CHPT1: variants seen among roughly 807,000 people sequenced by gnomAD.
CHPT1 encodes the protein cholinephosphotransferase 1.
A neutral mutation model predicts 47.6 loss-of-function variants in CHPT1; 36 were observed. The observed-to-expected ratio is 0.76, with a 90% CI of 0.58 to 1.00. The LOEUF is 1.00. Ranked by LOEUF, CHPT1 falls within the 50% of genes least tolerant of loss-of-function variation. The probability of loss-of-function intolerance (pLI) is 0.00; values close to 1 mark genes in which losing one functional copy is unlikely to be tolerated. For missense variants in CHPT1, 458 were observed against 498.1 expected, an observed-to-expected ratio of 0.92 and a Z score of 0.77; for synonymous variants, 194 against 186.3, an observed-to-expected ratio of 1.04 and a Z score of -0.33.
intron 1 of CHPT1, among the ~76,000 whole-genome samples, chr12:101,703,970 C>T (rs1951592957): frequency 6.6e-6 from 1 of 152,174 alleles, no homozygotes; most frequent in African/African-American, 2.4e-5. Context: ...AGCATACTCG[C>T]ATTACATGTT....
At chr12:101,719,451 A>C (rs1224417968) in intron 4 of CHPT1, 1 of 801,678 alleles carries the variant, frequency 1.2e-6, no homozygotes, top group East Asian at 6.3e-5. Context: ...CTGGCAATTC[A>C]TTGTTACTGT....
At chr12:101,728,287 A>G (rs1253423249) in intron 8 of CHPT1, 3 of 152,570 alleles carry the variant, frequency 2.0e-5, no homozygotes, top group South Asian at 2.1e-4. Flanking sequence ...TATATAAACC[A>G]TAAGAAATTA....
intron 1 of CHPT1, among the ~76,000 whole-genome samples, chr12:101,703,363 G>A (rs10860777): frequency 0.32 from 47,903 of 152,020 alleles, 7,892 homozygotes; most frequent in East Asian, 0.65. Flanking sequence ...GATTCACACT[G>A]AATATAAAAA....
intron 2 of CHPT1, 103 bp downstream of exon 2, chr12:101,714,340 T>C (rs1951734341): frequency 8.3e-7 from 1 of 1,201,522 alleles, no homozygotes; most frequent in Non-Finnish European, 1.2e-6. Context: ...GGAGCAAATG[T>C]ATGGAGTTGT....
chr12:101,718,498 A>T (rs960248352), intron 4 of CHPT1, among the ~76,000 whole-genome samples: 3 of 152,088 alleles, frequency 2.0e-5, no homozygotes, highest in Non-Finnish European at 4.4e-5. Flanking sequence ...CTCTACAAAA[A>T]TTCTGTAAAA....
chr12:101,718,407 C>T (rs1036790346), intron 4 of CHPT1, among the ~76,000 whole-genome samples: 3 of 152,102 alleles, frequency 2.0e-5, no homozygotes, highest in Non-Finnish European at 4.4e-5. Flanking sequence ...CCTAAAACCA[C>T]TCTAAAAAAT....
chr12:101,697,805 C>T lies in CHPT1; in HGVS notation c.-57C>T, dbSNP rs1951483652. On this transcript the variant is annotated 5_prime_UTR_variant, in exon 1 of 9. Transcript: ENST00000229266. ...CAGCCTCTCCCTCCACCTCTCCCTG[C>T]CCCCAGCGCCAGGCGCGGGCTGCGC... 1.5e-6 allele frequency: 1 copy of T among 649,722 alleles called. No homozygotes were observed. 40.2% of individuals were successfully genotyped at this position (649,722 alleles called of 1,614,324 possible). A position where few individuals can be genotyped will look rare whatever the true frequency, so the allele number is the denominator to read the frequency against.
chr12:101,698,188 C>A, intron 1 of CHPT1, 54 bp downstream of exon 1: 1 of 1,375,180 alleles, frequency 7.3e-7, no homozygotes, highest in Non-Finnish European at 9.4e-7. Flanking sequence ...GGGCGGGTCG[C>A]TGGAGGCGCC....
intron 5 of CHPT1, among the ~76,000 whole-genome samples, chr12:101,722,596 T>TA (rs1951868092): frequency 6.6e-6 from 1 of 151,480 alleles, no homozygotes; most frequent in South Asian, 2.1e-4. Context: ...CTCTCGCCTG[T>TA]AATCCCAGCA....
intron 7 of CHPT1, among the ~76,000 whole-genome samples, chr12:101,725,097 T>G (rs1951920847): frequency 1.3e-5 from 2 of 152,158 alleles, no homozygotes; most frequent in African/African-American, 4.8e-5. Flanking sequence ...TTGTTAGAGT[T>G]GGATATTTAA....
Position 101,714,079 on chromosome 12 carries a change from A to G in CHPT1, c.274-11A>G. The G allele has an allele frequency of 1.3e-6, 2 of 1,567,520 alleles. No individual in the cohort carries two copies. The highest frequency in any genetic ancestry group is 1.7e-6 in the Non-Finnish European group (2 of 1,152,144). ...ACTTAACAATCTTTATTTTATTTACATTTTTTATAGGCACCATACTGGACA... is the reference window on the plus strand; with the variant it reads ...ACTTAACAATCTTTATTTTATTTACGTTTTTTATAGGCACCATACTGGACA... On this transcript the variant is annotated splice_polypyrimidine_tract_variant and intron_variant, in intron 1 of 8. Coordinates refer to ENST00000229266, the MANE Select transcript of CHPT1 (RefSeq NM_020244.3).
intron 1 of CHPT1, among the ~76,000 whole-genome samples, chr12:101,706,116 C>G (rs1243029357): frequency 2.0e-5 from 3 of 151,802 alleles, no homozygotes; most frequent in Non-Finnish European, 4.4e-5. Flanking sequence ...CTTTGGGAGG[C>G]CTAGGTGGGT....
At chr12:101,715,533 A>G (rs1594134967) in intron 3 of CHPT1, among the ~76,000 whole-genome samples, 2 of 152,284 alleles carry the variant, frequency 1.3e-5, no homozygotes, top group South Asian at 4.1e-4. Context: ...CTTCACAGGC[A>G]TTATCTTATT....
intron 1 of CHPT1, among the ~76,000 whole-genome samples, chr12:101,706,036 G>A (rs1200285839): frequency 1.3e-5 from 2 of 151,926 alleles, no homozygotes; most frequent in Non-Finnish European, 2.9e-5. Context: ...TACGTATTTA[G>A]CTCCTACAGA....
rs1462076078 is a variant in CHPT1, at chr12:101,709,923, C to T, written c.274-4167C>T. Among the ~76,000 whole-genome samples, 5 of 149,050 alleles carry T rather than the reference C, an allele frequency of 3.4e-5. 2 individuals carry two copies. The highest frequency in any genetic ancestry group is 2.0e-4 in the East Asian group (1 of 5,018). ...ACCCGATCTAGTTCCTGGACCCAGC[C>T]TAAGTGCTTGCCTTGATGTAAATTA... On this transcript the variant is annotated intron_variant, in intron 1 of 8. Transcript: ENST00000229266.
chr12:101,716,028 G>A (rs1162119939), intron 3 of CHPT1, among the ~76,000 whole-genome samples: 1 of 152,064 alleles, frequency 6.6e-6, no homozygotes, highest in Admixed American at 6.5e-5. Flanking sequence ...AGAATAATGG[G>A]GCCAAAAGCC....
intron 1 of CHPT1, among the ~76,000 whole-genome samples, chr12:101,702,202 C>G (rs374081542): frequency 2.0e-5 from 3 of 152,232 alleles, no homozygotes; most frequent in Admixed American, 6.5e-5. Context: ...GTCTCTCCTA[C>G]TAACTCCATG....
At chr12:101,701,177 C>T (rs1951549486) in intron 1 of CHPT1, among the ~76,000 whole-genome samples, 1 of 152,184 alleles carries the variant, frequency 6.6e-6, no homozygotes, top group Admixed American at 6.5e-5. Flanking sequence ...GAACTTTGTA[C>T]TCCAGCCAAA....
chr12:101,714,186 T>G lies in CHPT1; in HGVS notation c.370T>G (p.Cys124Gly), dbSNP rs1250796377. 2 of 1,613,390 alleles carry G rather than the reference T, an allele frequency of 1.2e-6. No homozygotes were observed. Among genetic ancestry groups the G allele is most frequent in the Admixed American group, 3.3e-5 (2 of 59,982 alleles). Residue 124 changes from cysteine (C) to glycine (G), a missense_variant, in exon 2 of 9, where the codon TGT becomes GGT. Coordinates refer to ENST00000229266, the MANE Select transcript of CHPT1 (RefSeq NM_020244.3). ...DGKQARRTNS[C>G]SPLGELFDHG... Reference sequence around the variant, plus strand: ...GAAACAAGCCAGAAGAACAAACTCTTGTTCCCCTTTAGGGGAGCTCTTTGA... The same window carrying G: ...GAAACAAGCCAGAAGAACAAACTCTGGTTCCCCTTTAGGGGAGCTCTTTGA...
Sources: allele counts gnomAD v4.1 joint callset (sites outside exome capture counted in the v4.1 genomes callset), GRCh38; gene constraint gnomAD v4.1.1; transcripts MANE v1.5; gene names NCBI Gene and HGNC (gene_info 2026-07-23, HGNC 2026-07-21).